COL28A1: variants seen among roughly 807,000 people sequenced by gnomAD.
COL28A1 encodes the protein collagen alpha-1(XXVIII) chain.
A neutral mutation model predicts 150.2 loss-of-function variants in COL28A1; 161 were observed. The observed-to-expected ratio is 1.07, with a 90% confidence interval of 0.94 to 1.22. COL28A1 has a LOEUF of 1.22. Ranked by LOEUF, COL28A1 falls within the 50% of genes most tolerant of loss-of-function variation. The probability of loss-of-function intolerance (pLI) is 0.00; values close to 1 mark genes in which losing one functional copy is unlikely to be tolerated. For missense variants in COL28A1, 1,617 were observed against 1,388.3 expected, an observed-to-expected ratio of 1.16 and a Z score of -2.62; for synonymous variants, 552 against 469.7, an observed-to-expected ratio of 1.18 and a Z score of -2.26.
Position 7,419,960 on chromosome 7 carries a change from A to AGACACAAC in COL28A1, c.1999-15_1999-8dup. 1.3e-6 allele frequency: 2 copies of AGACACAAC among 1,573,118 alleles called. No homozygotes were observed. Among genetic ancestry groups the AGACACAAC allele is most frequent in the South Asian group, 1.2e-5 (1 of 83,682 alleles). The stretch of plus-strand genomic sequence containing the variant: ...CTCTGACCCCAGGCTCTCCCTGAAA[A>AGACACAAC]GACACAACAAATAACAAGTTACTAA... On this transcript the variant is annotated splice_region_variant and splice_polypyrimidine_tract_variant and intron_variant, in intron 25 of 34. Coordinates refer to ENST00000399429, the MANE Select transcript of COL28A1 (RefSeq NM_001037763.3).
chr7:7,471,138 A>G (rs1274852429), intron 15 of COL28A1, among the ~76,000 whole-genome samples: 1 of 149,378 alleles, frequency 6.7e-6, no homozygotes, highest in Non-Finnish European at 1.5e-5. Flanking sequence ...AAAAAAAAAA[A>G]AAAAAAGAAA....
chr7:7,403,068 G>T (rs1242566925), intron 27 of COL28A1, among the ~76,000 whole-genome samples: 1 of 152,152 alleles, frequency 6.6e-6, no homozygotes, highest in African/African-American at 2.4e-5. Context: ...CTATGATGTG[G>T]ACTAGTCAGT....
At position 7,372,989 on chromosome 7, in the gene COL28A1, C is replaced by T. The variant is rs61399779; in HGVS notation, c.2908+9G>A. 21,063 of 1,608,110 alleles carry T rather than the reference C, an allele frequency of 0.013. 2,257 individuals are homozygous for T. The African/African-American group carries it at 0.24, about 18-fold the overall frequency. Reference sequence around the variant, plus strand: ...ATGCCTTTCCCCTGGGCCAGATAGCCTTCCTTACCTTGCAGGGTAAAGAAA... The same window carrying T: ...ATGCCTTTCCCCTGGGCCAGATAGCTTTCCTTACCTTGCAGGGTAAAGAAA... On this transcript the variant is annotated intron_variant, in intron 32 of 34. Transcript: ENST00000399429.
intron 18 of COL28A1, among the ~76,000 whole-genome samples, chr7:7,446,621 A>C (rs1305041989): frequency 6.6e-6 from 1 of 152,240 alleles, no homozygotes; most frequent in Non-Finnish European, 1.5e-5. Flanking sequence ...GAGGCTTATA[A>C]AGCCTTTTCA....
intron 11 of COL28A1, among the ~76,000 whole-genome samples, chr7:7,502,291 A>G (rs1780577513): frequency 6.6e-6 from 1 of 152,204 alleles, no homozygotes; most frequent in African/African-American, 2.4e-5. Flanking sequence ...AGAAACATCT[A>G]TGTTTTGTTG....
intron 10 of COL28A1, among the ~76,000 whole-genome samples, chr7:7,506,292 G>A (rs1238999179): frequency 2.0e-5 from 3 of 152,162 alleles, no homozygotes; most frequent in Non-Finnish European, 4.4e-5. Context: ...TTTAATTAAC[G>A]AGATGTTTGT....
At position 7,422,921 on chromosome 7, in the gene COL28A1, A is replaced by G. The variant is rs1306125225; in HGVS notation, c.1999-2968T>C. Among the ~76,000 whole-genome samples, 4 of 152,318 alleles carry G rather than the reference A, an allele frequency of 2.6e-5. No homozygotes were observed. The East Asian group carries it at 7.7e-4, about 29-fold the overall frequency. Reference sequence around the variant, plus strand: ...ACACATACACTAACTGCGAGCTAAAAACAAGGGAGGAGTCTACTTTGATTA... The same window carrying G: ...ACACATACACTAACTGCGAGCTAAAGACAAGGGAGGAGTCTACTTTGATTA... On this transcript the variant is annotated intron_variant, in intron 25 of 34. Transcript: ENST00000399429.
At chr7:7,520,921 C>T (rs1478593798) in intron 5 of COL28A1, among the ~76,000 whole-genome samples, 3 of 152,198 alleles carry the variant, frequency 2.0e-5, no homozygotes, top group Admixed American at 2.0e-4. Flanking sequence ...GGCTGCCCCA[C>T]TATCATATAA....
At chr7:7,339,548 C>T in the COL28A1 span, among the ~76,000 whole-genome samples, 1 of 152,270 alleles carries the variant, frequency 6.6e-6, no homozygotes, top group Admixed American at 6.6e-5. Flanking sequence ...ATTTTCAATG[C>T]TCTGCCATTA....
At chr7:7,486,489 G>A (rs1779631786) in intron 13 of COL28A1, among the ~76,000 whole-genome samples, 1 of 152,146 alleles carries the variant, frequency 6.6e-6, no homozygotes, top group Non-Finnish European at 1.5e-5. Context: ...TAAGACTGAT[G>A]AGAGCAGACA....
At chr7:7,499,308 T>C (rs1181747828) in intron 11 of COL28A1, among the ~76,000 whole-genome samples, 1 of 152,210 alleles carries the variant, frequency 6.6e-6, no homozygotes. Context: ...ATTCTTCCTA[T>C]ACACTGAGCA....
intron 20 of COL28A1, 123 bp downstream of exon 20, chr7:7,443,462 A>G: frequency 7.0e-7 from 1 of 1,430,184 alleles, no homozygotes; most frequent in East Asian, 2.4e-5. Context: ...CAGTATTCAT[A>G]CTTTTAAGCC....
chr7:7,478,857 A>G (rs113242760), intron 13 of COL28A1, among the ~76,000 whole-genome samples: 5,841 of 152,306 alleles, frequency 0.038, 410 homozygotes, highest in African/African-American at 0.13. Flanking sequence ...CGCCAAGCCC[A>G]TGCCCACCCG....
intron 16 of COL28A1, among the ~76,000 whole-genome samples, chr7:7,454,833 G>C (rs73346316): frequency 0.26 from 39,302 of 152,054 alleles, 8,152 homozygotes; most frequent in African/African-American, 0.58. Flanking sequence ...ATAATCAAAT[G>C]ATGATATTTG....
At chr7:7,340,421 G>A in the COL28A1 span, among the ~76,000 whole-genome samples, 1 of 152,032 alleles carries the variant, frequency 6.6e-6, no homozygotes, top group Non-Finnish European at 1.5e-5. Context: ...ACTTAACATT[G>A]TTATTATTGA....
At chr7:7,527,313 G>C (rs28442228) in intron 3 of COL28A1, among the ~76,000 whole-genome samples, 2 of 152,194 alleles carry the variant, frequency 1.3e-5, no homozygotes, top group Middle Eastern at 3.2e-3. Flanking sequence ...GGCCAGGGGC[G>C]GGGGAGCCGC....
chr7:7,533,182 A>T (rs1053741890), intron 1 of COL28A1, among the ~76,000 whole-genome samples: 1 of 152,176 alleles, frequency 6.6e-6, no homozygotes, highest in Non-Finnish European at 1.5e-5. Context: ...TTTGAGGAGC[A>T]TAGAGTTGGG....
At chr7:7,461,140 C>A (rs1041203765) in intron 15 of COL28A1, among the ~76,000 whole-genome samples, 1 of 152,214 alleles carries the variant, frequency 6.6e-6, no homozygotes, top group South Asian at 2.1e-4. Flanking sequence ...CACATACCCC[C>A]ACTGGGGAAC....
chr7:7,449,049 A>G (rs1286795091), intron 18 of COL28A1, among the ~76,000 whole-genome samples: 1 of 152,126 alleles, frequency 6.6e-6, no homozygotes, highest in Non-Finnish European at 1.5e-5. Flanking sequence ...TGATTGCAGT[A>G]ATGATTCCAA....
Sources: gnomAD v4.1 joint callset for allele counts (sites outside exome capture counted in the v4.1 genomes callset) on GRCh38, gnomAD v4.1.1 for gene constraint, MANE v1.5 for transcripts, NCBI Gene and HGNC (gene_info 2026-07-23, HGNC 2026-07-21) for gene names.